AGBL4: variants seen among roughly 807,000 people sequenced by gnomAD.
AGBL4 encodes the protein cytosolic carboxypeptidase 6.
Under a neutral mutation model 66.4 loss-of-function variants are expected in AGBL4, and 58 were observed. That is an observed-to-expected ratio of 0.87 (90% confidence interval 0.71 to 1.09). AGBL4 has a LOEUF of 1.09. Ranked by LOEUF, AGBL4 falls within the 50% of genes least tolerant of loss-of-function variation. The pLI is 0.00. For missense variants in AGBL4, 579 were observed against 631.0 expected, an observed-to-expected ratio of 0.92 and a Z score of 0.88; for synonymous variants, 234 against 222.9, an observed-to-expected ratio of 1.05 and a Z score of -0.44.
intron 3 of AGBL4, among the ~76,000 whole-genome samples, chr1:49,416,804 T>C (rs1003241127): frequency 6.6e-6 from 1 of 152,094 alleles, no homozygotes; most frequent in East Asian, 1.9e-4. Context: ...AAAAGCTCAA[T>C]GCATGTTCTG....
intron 4 of AGBL4, among the ~76,000 whole-genome samples, chr1:49,231,144 G>A (rs1384875550): frequency 2.6e-5 from 4 of 152,144 alleles, no homozygotes; most frequent in Admixed American, 6.5e-5. Flanking sequence ...TTCTTAAACA[G>A]TAAGATTTGG....
intron 6 of AGBL4, chr1:48,742,853 C>T (rs1650132700): frequency 7.4e-7 from 1 of 1,346,598 alleles, no homozygotes. Context: ...TCTATCAGCA[C>T]ACCATGGCAC....
At chr1:48,599,458 G>T (rs996113647) in intron 9 of AGBL4, among the ~76,000 whole-genome samples, 5 of 152,188 alleles carry the variant, frequency 3.3e-5, no homozygotes. Flanking sequence ...GTCACCAGGT[G>T]ACAGGAATTT....
chr1:49,530,445 T>G (rs1651049172), intron 3 of AGBL4, among the ~76,000 whole-genome samples: 1 of 151,894 alleles, frequency 6.6e-6, no homozygotes, highest in Non-Finnish European at 1.5e-5. Context: ...TCTTTTTATA[T>G]GTGGAAATAT....
chr1:48,666,461 T>A (rs1422554204), intron 6 of AGBL4, among the ~76,000 whole-genome samples: 2 of 152,236 alleles, frequency 1.3e-5, no homozygotes, highest in African/African-American at 4.8e-5. Flanking sequence ...CAGCTACACC[T>A]GGCTCCCCAG....
At chr1:49,333,541 G>A (rs1358259356) in intron 3 of AGBL4, among the ~76,000 whole-genome samples, 2 of 152,050 alleles carry the variant, frequency 1.3e-5, no homozygotes, top group Admixed American at 6.6e-5. Context: ...TTATTCTGAG[G>A]AGCAAAAGAA....
intron 6 of AGBL4, among the ~76,000 whole-genome samples, chr1:48,841,290 C>T (rs1646792886): frequency 6.6e-6 from 1 of 151,970 alleles, no homozygotes. Flanking sequence ...AAATAAACAG[C>T]TTTCCCATAT....
chr1:48,715,813 GCAAAGCA>G (rs1353410873), intron 6 of AGBL4, among the ~76,000 whole-genome samples: 12 of 152,208 alleles, frequency 7.9e-5, no homozygotes, highest in Admixed American at 7.9e-4. Context: ...ATTATGCATT[GCAAAGCA>G]GACTTTTCTG....
chr1:48,675,230 C>T (rs1437833872), intron 6 of AGBL4, among the ~76,000 whole-genome samples: 2 of 152,214 alleles, frequency 1.3e-5, no homozygotes, highest in African/African-American at 4.8e-5. Context: ...TCCTCATCCC[C>T]AGCCTTGACC....
chr1:49,955,388 T>C (rs1182127025), intron 1 of AGBL4, among the ~76,000 whole-genome samples: 1 of 152,002 alleles, frequency 6.6e-6, no homozygotes. Context: ...TCAACTACTA[T>C]GTCAAAGCCA....
At chr1:49,229,309 T>C (rs1289143377) in intron 4 of AGBL4, among the ~76,000 whole-genome samples, 1 of 152,182 alleles carries the variant, frequency 6.6e-6, no homozygotes, top group African/African-American at 2.4e-5. Flanking sequence ...CTAACAAAAG[T>C]ATTTGCCTTT....
chr1:49,565,370 C>T (rs979144910), intron 3 of AGBL4, among the ~76,000 whole-genome samples: 7 of 152,208 alleles, frequency 4.6e-5, no homozygotes, highest in South Asian at 2.1e-4. Flanking sequence ...TTATTTTGCT[C>T]GTTAGTTGAT....
chr1:49,442,778 G>T (rs1235133641), intron 3 of AGBL4, among the ~76,000 whole-genome samples: 1 of 152,148 alleles, frequency 6.6e-6, no homozygotes, highest in Non-Finnish European at 1.5e-5. Flanking sequence ...TCCCAGTAAT[G>T]GGATTGCTGG....
At chr1:49,939,969 A>G (rs1343162636) in intron 1 of AGBL4, among the ~76,000 whole-genome samples, 1 of 152,242 alleles carries the variant, frequency 6.6e-6, no homozygotes, top group Non-Finnish European at 1.5e-5. Context: ...AAGGGCTAAT[A>G]TCCAGAATCT....
At chr1:49,946,254 T>C (rs1655194257) in intron 1 of AGBL4, among the ~76,000 whole-genome samples, 3 of 151,942 alleles carry the variant, frequency 2.0e-5, no homozygotes, top group African/African-American at 7.2e-5. Context: ...CTGCACAATA[T>C]AGATTCTATT....
chr1:48,810,786 G>A (rs1269348562), intron 6 of AGBL4, among the ~76,000 whole-genome samples: 3 of 152,152 alleles, frequency 2.0e-5, no homozygotes, highest in African/African-American at 7.2e-5. Context: ...GCAGGGATGT[G>A]GTCTTCTCAT....
intron 3 of AGBL4, among the ~76,000 whole-genome samples, chr1:49,583,824 C>T (rs1644594330): frequency 6.6e-6 from 1 of 152,286 alleles, no homozygotes; most frequent in Admixed American, 6.5e-5. Context: ...ATCTCTAGAA[C>T]AGAAAAATTA....
chr1:49,982,575 T>A (rs1222119594), intron 1 of AGBL4, among the ~76,000 whole-genome samples: 2 of 152,122 alleles, frequency 1.3e-5, no homozygotes, highest in Non-Finnish European at 2.9e-5. Context: ...GGGTCCCCAA[T>A]GAAGCCCCAC....
At chr1:49,363,245 G>A (rs1275779186) in intron 3 of AGBL4, among the ~76,000 whole-genome samples, 1 of 152,186 alleles carries the variant, frequency 6.6e-6, no homozygotes, top group East Asian at 1.9e-4. Flanking sequence ...CATTTCTGAA[G>A]AGGTATATAT....
Sources: gnomAD v4.1 joint callset for allele counts (sites outside exome capture counted in the v4.1 genomes callset) on GRCh38, gnomAD v4.1.1 for gene constraint, MANE v1.5 for transcripts, NCBI Gene and HGNC (gene_info 2026-07-23, HGNC 2026-07-21) for gene names.